Variants in NIN observed in about 807,000 individuals in gnomAD.
NIN encodes glycogen synthase kinase 3 beta-interacting protein.
A neutral mutation model predicts 257.6 loss-of-function variants in NIN; 137 were observed. The observed-to-expected ratio is 0.53, with a 90% CI of 0.46 to 0.61. NIN has a LOEUF of 0.61. Among genes scored for constraint, NIN ranks in the 20% least tolerant of loss-of-function variants. The pLI, the probability that NIN is intolerant of heterozygous loss-of-function variation, is 0.00. For synonymous variants in NIN, 918 were observed against 919.8 expected, an observed-to-expected ratio of 1.00 and a Z score of 0.04; for missense variants, 2,439 against 2,501.2, an observed-to-expected ratio of 0.98 and a Z score of 0.53.
chr14:50,744,093 TG>T, intron 23 of NIN, 149 bp downstream of exon 23: 2 of 724,660 alleles, frequency 2.8e-6, no homozygotes, highest in Non-Finnish European at 2.3e-6. Context: ...GCAGGAAGTC[TG>T]GGGTCACAGA....
chr14:50,778,905 A>G, intron 5 of NIN, 101 bp from the exon 6 acceptor site: 2 of 1,217,260 alleles, frequency 1.6e-6, no homozygotes, highest in Non-Finnish European at 2.4e-6. Context: ...TGAAATCATC[A>G]TCTAAGTGAG....
chr14:50,729,580 T>A lies in NIN; in HGVS notation c.6021A>T (p.Ile2007=). The A allele has an allele frequency of 6.2e-7, 1 of 1,614,158 alleles. No homozygotes were observed. Among genetic ancestry groups the A allele is most frequent in the South Asian group, 1.1e-5 (1 of 91,050 alleles). Residue 2007 remains isoleucine, a synonymous_variant, in exon 29 of 31, where the codon ATA becomes ATT. Transcript: ENST00000530997. ...CAAGTTCCTCCTGCAGGTGCTGGTT[T>A]ATCCTTTCTGCCTGCAGCAGCTGGC... ...LQRQLLQAER[I]NQHLQEELEN... is the part of the protein sequence containing the mutation.
intron 8 of NIN, among the ~76,000 whole-genome samples, chr14:50,772,712 G>T (rs888871870): frequency 2.6e-5 from 4 of 152,144 alleles, no homozygotes; most frequent in Non-Finnish European, 4.4e-5. Flanking sequence ...TTAACACCAG[G>T]TTTCTTCTGA....
chr14:50,728,743 T>C (rs1461744432), intron 29 of NIN, among the ~76,000 whole-genome samples: 3 of 152,252 alleles, frequency 2.0e-5, no homozygotes, highest in East Asian at 3.8e-4. Flanking sequence ...GAAAGGATGA[T>C]GAATGAAGCA....
Position 50,757,926 on chromosome 14 carries a change from C to G in NIN, c.3104G>C (p.Gly1035Ala), listed in dbSNP as rs758290074. 1.9e-6 allele frequency: 3 copies of G among 1,614,192 alleles called. No individual in the cohort carries two copies. Among genetic ancestry groups the G allele is most frequent in the Non-Finnish European group, 2.5e-6 (3 of 1,180,038 alleles). ...ATSPLSMLQSGCQVIGEEEVE... is the reference protein window; with the variant it reads ...ATSPLSMLQSACQVIGEEEVE... ...CTCCTCCTCTCCTATCACCTGGCAA[C>G]CACTCTGAAGCATTGAGAGAGGAGA... The change falls in exon 18 of 31, where the codon GGT becomes GCT. Residue 1035 changes from glycine to alanine, a missense_variant. Physicochemically the swap from Gly to Ala is moderately conservative, Grantham distance 60 (BLOSUM62 0). Around this residue, in one of 3 missense-constraint regions of NIN, gnomAD observed 2,043 missense variants for 2,050.2 expected, o/e 1.00. Coordinates refer to ENST00000530997, the MANE Select transcript of NIN (RefSeq NM_020921.4).
chr14:50,792,106 T>A (rs2043621883), intron 5 of NIN: 1 of 152,052 alleles, frequency 6.6e-6, no homozygotes, highest in Admixed American at 6.6e-5. Context: ...AGATGGGGGA[T>A]GAGGGAGGCT....
rs12717411 is a variant in NIN at position 50,739,427 on chromosome 14, A to G, written c.5509T>C (p.Ser1837Pro). The change falls in exon 26 of 31, where the codon TCC becomes CCC. Residue 1837 changes from serine (S) to proline (P), a missense_variant. Physicochemically the swap from Ser to Pro is moderately conservative, Grantham distance 74. Transcript: ENST00000530997. Reference protein sequence around the residue: ...SGLHNQQKRLSWDKLDHLMNE... With the variant: ...SGLHNQQKRLPWDKLDHLMNE... ...ATCAGATGATCCAACTTGTCCCAGG[A>G]CAGCCTTTTCTGCTGGTTATGGAGC... 4 of 1,614,190 alleles carry G rather than the reference A, an allele frequency of 2.5e-6. No homozygotes were observed. Among genetic ancestry groups the G allele is most frequent in the Non-Finnish European group, 3.4e-6 (4 of 1,180,024 alleles).
chr14:50,770,248 G>C, intron 12 of NIN, 140 bp downstream of exon 12: 1 of 782,360 alleles, frequency 1.3e-6, no homozygotes, highest in Non-Finnish European at 2.0e-6. Flanking sequence ...GCCCTGCCAA[G>C]TCTGGGTGAA....
At chr14:50,725,787 G>C (rs1566770773) in intron 30 of NIN, 166 bp downstream of exon 30, 1 of 1,210,704 alleles carries the variant, frequency 8.3e-7, no homozygotes, top group Non-Finnish European at 1.2e-6. Context: ...GTATTTTTTG[G>C]GGTGATATGA....
intron 5 of NIN, among the ~76,000 whole-genome samples, chr14:50,791,301 C>A (rs894581097): frequency 5.9e-5 from 9 of 152,156 alleles, no homozygotes; most frequent in Admixed American, 2.0e-4. Flanking sequence ...ATGTGTTTTA[C>A]TGGGGAAAGA....
rs537849608 is a variant in NIN at position 50,782,365 on chromosome 14, T to C, written c.436-3561A>G. Among the ~76,000 whole-genome samples the C allele has an allele frequency of 2.4e-4, 37 of 152,308 alleles. 1 individual carries two copies. Among genetic ancestry groups the C allele is most frequent in the African/African-American group, 7.9e-4 (33 of 41,572 alleles). On this transcript the variant is annotated intron_variant, in intron 5 of 30. Transcript: ENST00000530997. ...TAGCACTTTTTGCAACAAGAAAGTA[T>C]TGAAAACAATTTAAATATTCAACAA...
Position 50,738,194 on chromosome 14 carries a change from G to T in NIN, c.5721C>A (p.Ser1907Arg). Residue 1907 changes from serine (S) to arginine (R), a missense_variant, in exon 27 of 31, where the codon AGC becomes AGA. Transcript: ENST00000530997. ...TMNPTEQEKL[S>R]LKRECDQFQK... ...GAAACTGATCACACTCTCTCTTTAA[G>T]CTCAATTTTTCTTGCTCTGTGGGAT... The T allele has an allele frequency of 6.2e-7, 1 of 1,614,074 alleles. No individual in the cohort carries two copies. Among genetic ancestry groups the T allele is most frequent in the East Asian group, 2.2e-5 (1 of 44,880 alleles).
intron 4 of NIN, among the ~76,000 whole-genome samples, chr14:50,793,819 A>G (rs1566854166): frequency 6.6e-6 from 1 of 152,252 alleles, no homozygotes; most frequent in East Asian, 1.9e-4. Context: ...ACTTCACTCT[A>G]TTCAAATGTT....
At position 50,760,457 on chromosome 14, in the gene NIN, T is replaced by TC; in HGVS notation, c.1897-99_1897-98insG. Reference sequence around the variant, plus strand: ...AATTGCTTTTTTTTTTTTTTTTTTTTTCCCTACAAGACATTTCTCATTTCT... The same window carrying TC: ...AATTGCTTTTTTTTTTTTTTTTTTTTCTCCCTACAAGACATTTCTCATTTCT... On this transcript the variant is annotated intron_variant, in intron 16 of 30. Transcript: ENST00000530997. The TC allele has an allele frequency of 1.7e-5, 18 of 1,031,730 alleles. No homozygotes were observed. In the East Asian group the frequency reaches 4.3e-4, roughly 25 times the overall value. 63.9% of individuals were successfully genotyped at this position (1,031,730 alleles called of 1,614,324 possible). A position where few individuals can be genotyped will look rare whatever the true frequency, so the allele number is the denominator to read the frequency against.
intron 16 of NIN, among the ~76,000 whole-genome samples, chr14:50,760,712 A>T (rs760772729): frequency 3.9e-5 from 6 of 152,104 alleles, no homozygotes; most frequent in Non-Finnish European, 8.8e-5. Flanking sequence ...TCACTCTGTC[A>T]CCCAAGCTGA....
At chr14:50,763,713 CTTTTT>C in intron 15 of NIN, 108 bp downstream of exon 15, 1 of 675,464 alleles carries the variant, frequency 1.5e-6, no homozygotes. Context: ...TGGCCAAATT[CTTTTT>C]TTTTTTTTTC....
chr14:50,742,802 T>C (rs1477642827), intron 24 of NIN, among the ~76,000 whole-genome samples: 2 of 152,158 alleles, frequency 1.3e-5, no homozygotes, highest in East Asian at 1.9e-4. Flanking sequence ...ATCTTCAAAA[T>C]AGGGCATAAA....
intron 5 of NIN, among the ~76,000 whole-genome samples, chr14:50,791,327 G>T (rs545573658): frequency 6.6e-6 from 1 of 152,076 alleles, no homozygotes; most frequent in African/African-American, 2.4e-5. Flanking sequence ...ATCTCAATTC[G>T]CAAAGAGACC....
intron 4 of NIN, among the ~76,000 whole-genome samples, chr14:50,800,137 A>G (rs926623382): frequency 2.0e-5 from 3 of 152,324 alleles, no homozygotes; most frequent in East Asian, 1.9e-4. Context: ...GCACATATAC[A>G]TATTTTTAAG....
Sources: gnomAD v4.1 joint callset for allele counts (sites outside exome capture counted in the v4.1 genomes callset) on GRCh38, gnomAD v4.1.1 for gene constraint, gnomAD v4.1.1 regional missense constraint, MANE v1.5 for transcripts, NCBI Gene and HGNC (gene_info 2026-07-23, HGNC 2026-07-21) for gene names.